The following PDCL2 variants were observed in gnomAD, a reference collection of about 807,000 sequenced individuals.
The protein encoded by PDCL2 is phosducin-like protein 2.
PDCL2 carries 23 observed loss-of-function variants against 30.3 expected under a neutral mutation model. The observed-to-expected ratio is 0.76, with a 90% CI of 0.55 to 1.08. PDCL2 has a LOEUF of 1.08. Ranked by LOEUF, PDCL2 falls within the 50% of genes least tolerant of loss-of-function variation. PDCL2 has a pLI of 0.00. For missense variants in PDCL2, 243 were observed against 282.3 expected (o/e 0.86, Z 1.00); for synonymous variants, 68 against 86.2 (o/e 0.79, Z 1.17).
At chr4:55,556,838 T>G (rs1358460186) in intron 5 of PDCL2, 127 bp from the exon 6 acceptor site, 4 of 860,400 alleles carry the variant, frequency 4.6e-6, no homozygotes, top group Admixed American at 7.7e-5. Flanking sequence ...TTTATAGGTT[T>G]TTTTTTCTTT....
intron 1 of PDCL2, among the ~76,000 whole-genome samples, chr4:55,591,521 G>A (rs1733000211): frequency 6.6e-6 from 1 of 152,140 alleles, no homozygotes; most frequent in Non-Finnish European, 1.5e-5. Flanking sequence ...CAGGTAGCTG[G>A]GGCTACAGGC....
intron 1 of PDCL2, among the ~76,000 whole-genome samples, chr4:55,583,418 C>T (rs113243528): frequency 0.034 from 5,165 of 152,092 alleles, 105 homozygotes; most frequent in Non-Finnish European, 0.054. Context: ...CTTTTTAGTT[C>T]GATGTAATCT....
chr4:55,566,721 A>G (rs1367934069), intron 4 of PDCL2, among the ~76,000 whole-genome samples: 2 of 151,928 alleles, frequency 1.3e-5, no homozygotes, highest in Non-Finnish European at 2.9e-5. Context: ...GAGCCACCGC[A>G]CCCAGCCCCA....
chr4:55,577,028 G>C (rs554142328), intron 3 of PDCL2, among the ~76,000 whole-genome samples: 1 of 151,932 alleles, frequency 6.6e-6, no homozygotes, highest in East Asian at 1.9e-4. Flanking sequence ...CTCCCGAGTA[G>C]GTGGGATTAC....
chr4:55,581,929 G>A (rs544795661), intron 2 of PDCL2, among the ~76,000 whole-genome samples, 188 bp downstream of exon 2: 4 of 152,194 alleles, frequency 2.6e-5, no homozygotes, highest in East Asian at 1.9e-4. Flanking sequence ...GGATGGTCTC[G>A]ATCTCCTGAC....
At chr4:55,590,832 A>G (rs1732980936) in intron 1 of PDCL2, among the ~76,000 whole-genome samples, 1 of 152,062 alleles carries the variant, frequency 6.6e-6, no homozygotes, top group South Asian at 2.1e-4. Flanking sequence ...ACCACAATCT[A>G]TTTGCTCAAA....
intron 1 of PDCL2, among the ~76,000 whole-genome samples, chr4:55,587,903 T>C (rs1403231447): frequency 4.0e-5 from 6 of 149,542 alleles, no homozygotes; most frequent in Middle Eastern, 3.4e-3. Flanking sequence ...CAAAAAAATG[T>C]TTTAAATTTG....
chr4:55,567,293 G>A (rs1009857310), intron 4 of PDCL2, among the ~76,000 whole-genome samples: 1 of 152,216 alleles, frequency 6.6e-6, no homozygotes, highest in African/African-American at 2.4e-5. Context: ...AATACTCTGG[G>A]AGGCTGAGGC....
At chr4:55,571,558 G>A (rs973536900) in intron 3 of PDCL2, among the ~76,000 whole-genome samples, 1 of 90,986 alleles carries the variant, frequency 1.1e-5, no homozygotes. Flanking sequence ...ATGGTGGCGG[G>A]CGCCTGTGGT....
rs746733498 is a variant in PDCL2 at position 55,556,619 on chromosome 4, T to C, written c.664A>G (p.Ile222Val). 1.9e-6 allele frequency: 3 copies of C among 1,575,150 alleles called. No individual in the cohort carries two copies. The highest frequency in any genetic ancestry group is 2.6e-6 in the Non-Finnish European group (3 of 1,157,206). The change falls in exon 6 of 6, where the codon ATT (isoleucine) becomes GTT (valine). Residue 222 changes from isoleucine (I) to valine (V), a missense_variant. Physicochemically the swap from Ile to Val is conservative, Grantham distance 29. Coordinates refer to ENST00000295645, the MANE Select transcript of PDCL2 (RefSeq NM_152401.3). The stretch of plus-strand genomic sequence containing the variant: ...TCATCATGAATAGAAGTGTTTCTAA[T>C]TGAAGATACCATCATATCTACCATG... The part of the protein sequence containing the change: ...KDMVDMMVSS[I>V]RNTSIHDDSD...
intron 5 of PDCL2, among the ~76,000 whole-genome samples, chr4:55,560,098 T>G (rs1400730169): frequency 6.7e-6 from 1 of 150,302 alleles, no homozygotes; most frequent in South Asian, 2.1e-4. Context: ...TGCTTAAAAA[T>G]AGTTAAGATG....
At position 55,558,325 on chromosome 4, in the gene PDCL2, T is replaced by A. The variant is rs182251761; in HGVS notation, c.572-1614A>T. On this transcript the variant is annotated intron_variant, in intron 5 of 5. Coordinates refer to ENST00000295645, the MANE Select transcript of PDCL2 (RefSeq NM_152401.3). ...TGAATTATGGGGGTTGTTACCTCCA[T>A]GCTGTTCTCTTGATACTGAGTGAGT... 2.4e-4 allele frequency among the ~76,000 whole-genome samples: 36 copies of A among 152,302 alleles called. 1 individual carries two copies. In the East Asian group the frequency reaches 6.6e-3, roughly 28 times the overall value.
At chr4:55,567,460 C>T (rs1255984589) in intron 4 of PDCL2, among the ~76,000 whole-genome samples, 3 of 152,154 alleles carry the variant, frequency 2.0e-5, no homozygotes, top group Non-Finnish European at 4.4e-5. Context: ...ATTGCTTGAG[C>T]CCAAGCATTC....
chr4:55,573,847 A>T (rs971285557), intron 3 of PDCL2, among the ~76,000 whole-genome samples: 1 of 141,664 alleles, frequency 7.1e-6, no homozygotes, highest in Non-Finnish European at 1.5e-5. Context: ...TTATCAAGTA[A>T]AAAAAAAGTT....
chr4:55,570,898 T>G (rs1304328509), intron 3 of PDCL2, among the ~76,000 whole-genome samples: 1 of 152,264 alleles, frequency 6.6e-6, no homozygotes, highest in Non-Finnish European at 1.5e-5. Context: ...ATTTTCTTAT[T>G]TTATGTATTC....
chr4:55,560,774 C>A (rs1233602261), intron 5 of PDCL2, among the ~76,000 whole-genome samples: 1 of 152,058 alleles, frequency 6.6e-6, no homozygotes, highest in African/African-American at 2.4e-5. Flanking sequence ...AGTGGTTAGA[C>A]CATGAGGGCA....
chr4:55,577,647 T>A (rs905120525), intron 3 of PDCL2, among the ~76,000 whole-genome samples: 6 of 152,230 alleles, frequency 3.9e-5, no homozygotes, highest in African/African-American at 1.4e-4. Context: ...GGGACAAAGA[T>A]CAGATATATA....
intron 1 of PDCL2, among the ~76,000 whole-genome samples, chr4:55,591,645 A>G (rs1411127661): frequency 6.6e-6 from 1 of 152,164 alleles, no homozygotes; most frequent in Non-Finnish European, 1.5e-5. Flanking sequence ...CCGCCTCCCA[A>G]AAGTCTAACA....
At chr4:55,585,463 G>C (rs1457871636) in intron 1 of PDCL2, among the ~76,000 whole-genome samples, 1 of 152,094 alleles carries the variant, frequency 6.6e-6, no homozygotes, top group Non-Finnish European at 1.5e-5. Flanking sequence ...GGGAGGCGGA[G>C]GTTGCAGTGA....
Sources: allele counts gnomAD v4.1 joint callset (sites outside exome capture counted in the v4.1 genomes callset), GRCh38; gene constraint gnomAD v4.1.1; transcripts MANE v1.5; gene names NCBI Gene and HGNC (gene_info 2026-07-23, HGNC 2026-07-21).